Variants in LSAMP observed in about 807,000 individuals in gnomAD.
LSAMP encodes the protein limbic system associated membrane protein.
A neutral mutation model predicts 38.6 loss-of-function variants in LSAMP; 7 were observed. The ratio of observed to expected loss-of-function variants is 0.18; its 90% CI spans 0.10 to 0.34. The LOEUF is 0.34. Among genes scored for constraint, LSAMP ranks in the 10% least tolerant of loss-of-function variants. The probability of loss-of-function intolerance (pLI) is 1.00; values close to 1 mark genes in which losing one functional copy is unlikely to be tolerated. For synonymous variants in LSAMP, 154 were observed against 166.8 expected, an observed-to-expected ratio of 0.92 and a Z score of 0.59; for missense variants, 313 against 420.0, an observed-to-expected ratio of 0.75 and a Z score of 2.23.
At chr3:116,113,755 A>G (rs1260693895) in intron 1 of LSAMP, among the ~76,000 whole-genome samples, 1 of 152,036 alleles carries the variant, frequency 6.6e-6, no homozygotes, top group Non-Finnish European at 1.5e-5. Context: ...TACTTGTTAC[A>G]CACTGTTGTT....
chr3:116,415,733 C>G (rs147343034), intron 1 of LSAMP, among the ~76,000 whole-genome samples: 199 of 152,204 alleles, frequency 1.3e-3, no homozygotes, highest in Non-Finnish European at 2.5e-3. Context: ...GTGTTTTACC[C>G]TTCATGCTGG....
intron 1 of LSAMP, among the ~76,000 whole-genome samples, chr3:116,285,539 A>ATT (rs34566307): frequency 0.073 from 10,803 of 148,436 alleles, 564 homozygotes; most frequent in African/African-American, 0.14. Flanking sequence ...AGAAATGTGT[A>ATT]TTTTTTTTTT....
chr3:116,063,922 A>G (rs1941638387), intron 2 of LSAMP, among the ~76,000 whole-genome samples: 1 of 152,212 alleles, frequency 6.6e-6, no homozygotes, highest in Admixed American at 6.5e-5. Flanking sequence ...CATTTTGAGC[A>G]TACTTTAAAC....
intron 3 of LSAMP, among the ~76,000 whole-genome samples, chr3:115,929,715 C>G (rs1394276861): frequency 6.6e-6 from 1 of 151,906 alleles, no homozygotes; most frequent in Non-Finnish European, 1.5e-5. Context: ...TAAAGAAAAA[C>G]AATGTAATGA....
intron 1 of LSAMP, among the ~76,000 whole-genome samples, chr3:116,411,948 T>C (rs2048986764): frequency 6.6e-6 from 1 of 151,992 alleles, no homozygotes; most frequent in Non-Finnish European, 1.5e-5. Flanking sequence ...CTGTCTTGTA[T>C]GCTTACTTCT....
At chr3:115,934,008 G>A (rs1408319202) in intron 3 of LSAMP, among the ~76,000 whole-genome samples, 3 of 152,120 alleles carry the variant, frequency 2.0e-5, no homozygotes, top group African/African-American at 7.2e-5. Context: ...TGAGGAAATA[G>A]CACTGATAAA....
chr3:116,089,027 A>C (rs1708056842), intron 1 of LSAMP, among the ~76,000 whole-genome samples: 1 of 152,240 alleles, frequency 6.6e-6, no homozygotes. Context: ...TAACAATATA[A>C]GGTAAAGTTT....
intron 6 of LSAMP, among the ~76,000 whole-genome samples, chr3:115,832,742 T>A (rs1271319515): frequency 6.6e-6 from 1 of 152,168 alleles, no homozygotes; most frequent in Non-Finnish European, 1.5e-5. Context: ...AAAGTATTAG[T>A]ATAAGATAAA....
intron 3 of LSAMP, among the ~76,000 whole-genome samples, chr3:116,002,700 C>T (rs991544117): frequency 6.6e-6 from 1 of 152,084 alleles, no homozygotes; most frequent in Non-Finnish European, 1.5e-5. Context: ...CCAAAATGGG[C>T]TTCTGTTTCT....
intron 1 of LSAMP, among the ~76,000 whole-genome samples, chr3:116,403,250 T>G (rs936068346): frequency 1.3e-5 from 2 of 152,204 alleles, no homozygotes; most frequent in Non-Finnish European, 1.5e-5. Flanking sequence ...CTTCTGAGAC[T>G]TTTCTACGTG....
chr3:115,892,710 T>C (rs967612036), intron 3 of LSAMP, among the ~76,000 whole-genome samples: 2 of 151,728 alleles, frequency 1.3e-5, no homozygotes, highest in Admixed American at 1.3e-4. Flanking sequence ...TATACTTCAA[T>C]AAAATATTTG....
chr3:116,232,562 G>T (rs1222933117), intron 1 of LSAMP, among the ~76,000 whole-genome samples: 1 of 152,102 alleles, frequency 6.6e-6, no homozygotes, highest in Non-Finnish European at 1.5e-5. Flanking sequence ...GCTTTATAAA[G>T]GTTTTGGCTT....
chr3:115,892,611 T>C (rs1201743320), intron 3 of LSAMP, among the ~76,000 whole-genome samples: 3 of 151,908 alleles, frequency 2.0e-5, no homozygotes, highest in African/African-American at 7.2e-5. Flanking sequence ...AGTAGTGTTC[T>C]ATTTCTTGAT....
chr3:116,220,855 A>G (rs572170568), intron 1 of LSAMP, among the ~76,000 whole-genome samples: 1 of 152,296 alleles, frequency 6.6e-6, no homozygotes, highest in East Asian at 1.9e-4. Flanking sequence ...TGGTTCTGAG[A>G]CTAAGAAAAG....
At chr3:116,428,965 T>G (rs1203332543) in intron 1 of LSAMP, among the ~76,000 whole-genome samples, 1 of 152,216 alleles carries the variant, frequency 6.6e-6, no homozygotes, top group Non-Finnish European at 1.5e-5. Flanking sequence ...TTCCCTAATC[T>G]GTTAGTTCCT....
intron 1 of LSAMP, among the ~76,000 whole-genome samples, chr3:116,177,132 C>A (rs1010563651): frequency 1.3e-5 from 2 of 151,970 alleles, no homozygotes; most frequent in African/African-American, 4.8e-5. Flanking sequence ...GTTTAAAAAC[C>A]ACTGCCCTGA....
intron 3 of LSAMP, among the ~76,000 whole-genome samples, chr3:115,997,753 T>C (rs189336615): frequency 0.41 from 51,306 of 124,840 alleles, 10,565 homozygotes; most frequent in African/African-American, 0.48. Context: ...TATATATATA[T>C]ACACACACAT....
chr3:116,254,795 A>G (rs2046729519), intron 1 of LSAMP, among the ~76,000 whole-genome samples: 1 of 152,190 alleles, frequency 6.6e-6, no homozygotes, highest in Non-Finnish European at 1.5e-5. Flanking sequence ...TTGCTCAACA[A>G]TGTATTTTTC....
intron 1 of LSAMP, among the ~76,000 whole-genome samples, chr3:116,204,049 C>T (rs1452172792): frequency 6.6e-6 from 1 of 151,554 alleles, no homozygotes; most frequent in Admixed American, 6.6e-5. Context: ...TCTCCACATC[C>T]TCTCCACCAC....
Sources: gnomAD v4.1 joint callset for allele counts (sites outside exome capture counted in the v4.1 genomes callset) on GRCh38, gnomAD v4.1.1 for gene constraint, MANE v1.5 for transcripts, NCBI Gene and HGNC (gene_info 2026-07-23, HGNC 2026-07-21) for gene names.